Variants in MGLL observed in about 807,000 individuals in gnomAD.
MGLL encodes the protein lysophospholipase homolog.
A neutral mutation model predicts 29.1 loss-of-function variants in MGLL; 7 were observed. The ratio of observed to expected loss-of-function variants is 0.24; its 90% CI spans 0.14 to 0.45. The LOEUF is 0.45. Ranked by LOEUF, MGLL falls within the 20% of genes least tolerant of loss-of-function variation. MGLL has a pLI of 0.99. For missense variants in MGLL, 356 were observed against 413.6 expected, an observed-to-expected ratio of 0.86 and a Z score of 1.21; for synonymous variants, 148 against 168.3, an observed-to-expected ratio of 0.88 and a Z score of 0.93.
At chr3:127,694,127 G>A (rs1471043537) in intron 7 of MGLL, among the ~76,000 whole-genome samples, 4 of 151,662 alleles carry the variant, frequency 2.6e-5, no homozygotes, top group South Asian at 2.1e-4. Flanking sequence ...AAAATTAGCC[G>A]GGCAGGGTGG....
intron 6 of MGLL, among the ~76,000 whole-genome samples, chr3:127,705,461 C>A (rs527284876): frequency 6.6e-6 from 1 of 151,916 alleles, no homozygotes; most frequent in Admixed American, 6.6e-5. Context: ...GGCAAAGGAT[C>A]TGAACAAACA....
chr3:127,759,382 C>G (rs1002840815), intron 3 of MGLL, among the ~76,000 whole-genome samples: 2 of 152,192 alleles, frequency 1.3e-5, no homozygotes, highest in African/African-American at 4.8e-5. Context: ...GTCCTTACCC[C>G]TCCCTTGGTC....
chr3:127,716,814 G>C (rs772875469), intron 5 of MGLL, among the ~76,000 whole-genome samples: 45 of 152,196 alleles, frequency 3.0e-4, no homozygotes, highest in Non-Finnish European at 5.1e-4. Flanking sequence ...ACTATGACAA[G>C]GGTCATAGGA....
chr3:127,715,977 G>A (rs767730621), intron 5 of MGLL: 73 of 371,512 alleles, frequency 2.0e-4, no homozygotes, highest in South Asian at 1.3e-3. Flanking sequence ...GGAGAGAGGA[G>A]CCCCTGCATG....
At chr3:127,749,011 C>T (rs1471299517) in intron 3 of MGLL, among the ~76,000 whole-genome samples, 2 of 152,202 alleles carry the variant, frequency 1.3e-5, no homozygotes, top group African/African-American at 4.8e-5. Context: ...TTGCCCTCTG[C>T]CCCCTTCCCC....
intron 6 of MGLL, among the ~76,000 whole-genome samples, chr3:127,710,025 C>T (rs552622281): frequency 6.6e-6 from 1 of 152,356 alleles, no homozygotes; most frequent in African/African-American, 2.4e-5. Context: ...TAATCCAGGC[C>T]TGGATAATCA....
intron 3 of MGLL, among the ~76,000 whole-genome samples, chr3:127,734,304 C>T (rs694605): frequency 2.6e-5 from 4 of 152,168 alleles, no homozygotes; most frequent in African/African-American, 4.8e-5. Flanking sequence ...GGAATGCCAG[C>T]GAGGCCGGCC....
chr3:127,723,868 G>A (rs998686251), intron 3 of MGLL, among the ~76,000 whole-genome samples: 1 of 152,114 alleles, frequency 6.6e-6, no homozygotes, highest in Admixed American at 6.6e-5. Flanking sequence ...CAGGATCTCG[G>A]AATGGGACCT....
At chr3:127,752,398 C>T (rs1014898586) in intron 3 of MGLL, among the ~76,000 whole-genome samples, 7 of 152,212 alleles carry the variant, frequency 4.6e-5, no homozygotes. Flanking sequence ...CACGCCCGGC[C>T]GTCATTTTGT....
At chr3:127,733,404 A>G (rs1337204420) in intron 3 of MGLL, among the ~76,000 whole-genome samples, 3 of 152,184 alleles carry the variant, frequency 2.0e-5, no homozygotes, top group African/African-American at 7.2e-5. Context: ...CTACTTTCCT[A>G]ATAAACTCGC....
intron 6 of MGLL, among the ~76,000 whole-genome samples, chr3:127,710,221 C>T (rs1192348048): frequency 6.6e-6 from 1 of 152,198 alleles, no homozygotes; most frequent in Non-Finnish European, 1.5e-5. Flanking sequence ...TTTCAACGCC[C>T]TGGATCCAGC....
chr3:127,773,041 G>A (rs569910261), intron 3 of MGLL, among the ~76,000 whole-genome samples: 12 of 152,326 alleles, frequency 7.9e-5, no homozygotes, highest in East Asian at 1.9e-4. Flanking sequence ...CAGCCTGGAC[G>A]CACTGAGGCA....
intron 3 of MGLL, among the ~76,000 whole-genome samples, chr3:127,741,768 C>T: frequency 6.6e-6 from 1 of 152,248 alleles, no homozygotes; most frequent in Non-Finnish European, 1.5e-5. Context: ...AAGCAGGTCA[C>T]TTTCAATGTA....
At position 127,748,941 on chromosome 3, in the gene MGLL, C is replaced by T. The variant is rs867544260; in HGVS notation, c.263-26375G>A. 5.9e-5 allele frequency among the ~76,000 whole-genome samples: 9 copies of T among 152,294 alleles called. No homozygotes were observed. In the South Asian group the frequency reaches 1.2e-3, roughly 21 times the overall value. On this transcript the variant is annotated intron_variant, in intron 3 of 7. Coordinates refer to ENST00000265052, the MANE Select transcript of MGLL (RefSeq NM_007283.7). The stretch of plus-strand genomic sequence containing the variant: ...ATGATGCCCACCTCTGCCCACCTCA[C>T]AAACTTCTATTCAACCTTCAAAACC...
chr3:127,707,481 G>A (rs1481095043), intron 6 of MGLL, among the ~76,000 whole-genome samples: 1 of 152,222 alleles, frequency 6.6e-6, no homozygotes, highest in Non-Finnish European at 1.5e-5. Flanking sequence ...TCAGTATTCT[G>A]ATGTTCTGAT....
At chr3:127,791,003 C>A (rs1403957964) in intron 2 of MGLL, among the ~76,000 whole-genome samples, 11 of 152,188 alleles carry the variant, frequency 7.2e-5, no homozygotes, top group Non-Finnish European at 1.5e-5. Flanking sequence ...TCTTCCATGC[C>A]ACCCGTACCA....
chr3:127,728,750 A>T (rs1335029717), intron 3 of MGLL, among the ~76,000 whole-genome samples: 7 of 152,194 alleles, frequency 4.6e-5, no homozygotes. Context: ...TAGATGCAGG[A>T]TTGCTTGGCT....
chr3:127,692,957 C>T (rs781078478), intron 7 of MGLL, among the ~76,000 whole-genome samples: 3 of 152,214 alleles, frequency 2.0e-5, no homozygotes, highest in Non-Finnish European at 4.4e-5. Flanking sequence ...CTTCACTCTC[C>T]CTGGTCACCT....
intron 2 of MGLL, among the ~76,000 whole-genome samples, chr3:127,819,660 T>C (rs536113818): frequency 6.6e-6 from 1 of 152,264 alleles, no homozygotes; most frequent in African/African-American, 2.4e-5. Context: ...TGAGGTCCCC[T>C]CCCTCTTCCT....
Sources: allele counts gnomAD v4.1 joint callset (sites outside exome capture counted in the v4.1 genomes callset), GRCh38; gene constraint gnomAD v4.1.1; transcripts MANE v1.5; gene names NCBI Gene and HGNC (gene_info 2026-07-23, HGNC 2026-07-21).